Variants in NDFIP2 observed in about 807,000 individuals in gnomAD.
NDFIP2 encodes the protein NEDD4 family-interacting protein 2.
NDFIP2 carries 19 observed loss-of-function variants against 36.0 expected under a neutral mutation model. The observed-to-expected ratio is 0.53, with a 90% confidence interval of 0.37 to 0.77. NDFIP2 has a LOEUF of 0.77. Ranked by LOEUF, NDFIP2 falls within the 30% of genes least tolerant of loss-of-function variation. The pLI, the probability that NDFIP2 is intolerant of heterozygous loss-of-function variation, is 0.00. For missense variants in NDFIP2, 446 were observed against 435.8 expected (o/e 1.02, Z -0.21); for synonymous variants, 181 against 167.7 (o/e 1.08, Z -0.61).
chr13:79,543,793 G>C, intron 5 of NDFIP2, 111 bp downstream of exon 5: 1 of 1,353,026 alleles, frequency 7.4e-7, no homozygotes, highest in Non-Finnish European at 1.0e-6. Flanking sequence ...TTATTTCAAG[G>C]CTTATTCTTA....
chr13:79,518,830 A>G (rs2137083524), intron 1 of NDFIP2, among the ~76,000 whole-genome samples: 1 of 152,146 alleles, frequency 6.6e-6, no homozygotes, highest in South Asian at 2.1e-4. Flanking sequence ...TCTTTTTAAG[A>G]CACTGTCTTA....
intron 1 of NDFIP2, among the ~76,000 whole-genome samples, chr13:79,519,320 TA>T (rs768304379): frequency 2.0e-5 from 3 of 152,342 alleles, no homozygotes; most frequent in East Asian, 1.9e-4. Context: ...GTTTTAAAAG[TA>T]TCTTAAAAAT....
intron 5 of NDFIP2, among the ~76,000 whole-genome samples, chr13:79,544,541 T>C (rs1408385172): frequency 6.6e-6 from 1 of 151,968 alleles, no homozygotes; most frequent in Non-Finnish European, 1.5e-5. Flanking sequence ...CAAGAGTGCT[T>C]TACTTACTGT....
chr13:79,550,313 TA>T (rs1875854719), intron 6 of NDFIP2, among the ~76,000 whole-genome samples: 1 of 151,772 alleles, frequency 6.6e-6, no homozygotes, highest in Non-Finnish European at 1.5e-5. Flanking sequence ...GTTGTTATTT[TA>T]AAATACTACT....
intron 1 of NDFIP2, among the ~76,000 whole-genome samples, chr13:79,507,901 A>G (rs1453765065): frequency 6.6e-6 from 1 of 151,822 alleles, no homozygotes; most frequent in Non-Finnish European, 1.5e-5. Flanking sequence ...TCCCTTTAAC[A>G]TTATCCTGAA....
At chr13:79,543,919 G>A (rs1875556271) in intron 5 of NDFIP2, among the ~76,000 whole-genome samples, 1 of 151,972 alleles carries the variant, frequency 6.6e-6, no homozygotes, top group African/African-American at 2.4e-5. Flanking sequence ...ATTTAAGTTT[G>A]AATCTCATCT....
chr13:79,527,071 G>A (rs1874825174), intron 2 of NDFIP2, among the ~76,000 whole-genome samples: 3 of 152,138 alleles, frequency 2.0e-5, no homozygotes, highest in African/African-American at 7.2e-5. Context: ...TGCCATAATG[G>A]TTTCTTTGGA....
At chr13:79,489,184 C>G (rs943373446) in intron 1 of NDFIP2, among the ~76,000 whole-genome samples, 7 of 152,162 alleles carry the variant, frequency 4.6e-5, no homozygotes, top group African/African-American at 1.7e-4. Context: ...ATAGTGTTAG[C>G]TAGGACTGGA....
chr13:79,499,750 C>T (rs1204245773), intron 1 of NDFIP2, among the ~76,000 whole-genome samples: 1 of 151,896 alleles, frequency 6.6e-6, no homozygotes, highest in African/African-American at 2.4e-5. Flanking sequence ...ATTCCATGTT[C>T]ATGGATAGAT....
At chr13:79,507,969 A>G (rs948112370) in intron 1 of NDFIP2, among the ~76,000 whole-genome samples, 4 of 152,004 alleles carry the variant, frequency 2.6e-5, no homozygotes, top group African/African-American at 7.2e-5. Context: ...ACTTACATGT[A>G]TGCCTTATTA....
chr13:79,527,085 TTACAAA>T (rs1179664073), intron 2 of NDFIP2, among the ~76,000 whole-genome samples: 2 of 152,092 alleles, frequency 1.3e-5, no homozygotes, highest in Non-Finnish European at 2.9e-5. Context: ...CTTTGGAGTG[TTACAAA>T]TAGAAACCTA....
At chr13:79,512,119 T>G (rs572620131) in intron 1 of NDFIP2, among the ~76,000 whole-genome samples, 470 of 152,282 alleles carry the variant, frequency 3.1e-3, no homozygotes, top group Middle Eastern at 0.014. Flanking sequence ...TTTTGTTACA[T>G]GCAAATCAGA....
At chr13:79,508,061 C>T (rs1339365422) in intron 1 of NDFIP2, among the ~76,000 whole-genome samples, 1 of 152,008 alleles carries the variant, frequency 6.6e-6, no homozygotes, top group Non-Finnish European at 1.5e-5. Context: ...TTGCTTTATT[C>T]ATTTAGTATG....
intron 2 of NDFIP2, among the ~76,000 whole-genome samples, chr13:79,529,723 A>G (rs763453052): frequency 5.9e-5 from 9 of 152,196 alleles, no homozygotes; most frequent in Non-Finnish European, 1.2e-4. Flanking sequence ...TAAGACCTAT[A>G]TGCATGAAAA....
chr13:79,513,177 T>C (rs978059683), intron 1 of NDFIP2, among the ~76,000 whole-genome samples: 1 of 152,190 alleles, frequency 6.6e-6, no homozygotes, highest in Non-Finnish European at 1.5e-5. Context: ...GTATCCTGAT[T>C]AATGTAGTTG....
chr13:79,532,376 G>A (rs1875050337), intron 2 of NDFIP2, among the ~76,000 whole-genome samples: 1 of 152,196 alleles, frequency 6.6e-6, no homozygotes, highest in African/African-American at 2.4e-5. Context: ...CAAAAGTGAT[G>A]TCAAACAGTG....
chr13:79,485,919 T>C (rs1872965426), intron 1 of NDFIP2, among the ~76,000 whole-genome samples: 1 of 152,230 alleles, frequency 6.6e-6, no homozygotes, highest in South Asian at 2.1e-4. Flanking sequence ...CCTTCAGGAA[T>C]TGTTTGCATC....
chr13:79,522,465 A>T (rs1177703151), intron 2 of NDFIP2, among the ~76,000 whole-genome samples: 1 of 152,204 alleles, frequency 6.6e-6, no homozygotes, highest in Non-Finnish European at 1.5e-5. Flanking sequence ...TACCATTGCT[A>T]TTGCTGTGTA....
chr13:79,510,314 A>G (rs1435320544), intron 1 of NDFIP2, among the ~76,000 whole-genome samples: 2 of 151,746 alleles, frequency 1.3e-5, no homozygotes, highest in East Asian at 3.9e-4. Context: ...GTTAATCCCT[A>G]ATCCACTGAC....
Sources: allele counts gnomAD v4.1 joint callset (sites outside exome capture counted in the v4.1 genomes callset), GRCh38; gene constraint gnomAD v4.1.1; transcripts MANE v1.5; gene names NCBI Gene and HGNC (gene_info 2026-07-23, HGNC 2026-07-21).